The following ADGRG5 variants were observed in gnomAD, a reference collection of about 807,000 sequenced individuals.
ADGRG5 encodes adhesion G protein-coupled receptor G5.
Under a neutral mutation model 53.2 loss-of-function variants are expected in ADGRG5, and 37 were observed. That is an observed-to-expected ratio of 0.70 (90% CI 0.53 to 0.91). The LOEUF (loss-of-function observed/expected upper bound fraction) is 0.91, where lower values mean the gene tolerates loss of function less well. ADGRG5 is among the 40% of genes least tolerant of loss of function. The pLI, the probability that ADGRG5 is intolerant of heterozygous loss-of-function variation, is 0.00. For missense variants in ADGRG5, 614 were observed against 675.8 expected (o/e 0.91, Z 1.01); for synonymous variants, 277 against 290.4 (o/e 0.95, Z 0.47).
Position 57,562,456 on chromosome 16 carries a change from C to T in ADGRG5, c.137C>T (p.Ser46Phe). 5 of 1,596,502 alleles carry T rather than the reference C, an allele frequency of 3.1e-6. No individual in the cohort carries two copies. The highest frequency in any genetic ancestry group is 4.3e-6 in the Non-Finnish European group (5 of 1,171,432). ...VSRGRSSVFS[S>F]RQLHQLEQML... ...AGGGGCCGGAGCTCAGTTTTTTCCT[C>T]TCGGTGAGTTGGATGTGCCTCCCAC... The change falls in exon 3 of 12, where the codon TCT becomes TTT. Residue 46 changes from serine (S) to phenylalanine (F), a missense_variant. Physicochemically the swap from Ser to Phe is radical, Grantham distance 155. Transcript: ENST00000349457.
At chr16:57,572,716 C>T (rs2033396571) in intron 10 of ADGRG5, among the ~76,000 whole-genome samples, 1 of 152,178 alleles carries the variant, frequency 6.6e-6, no homozygotes, top group Admixed American at 6.5e-5. Flanking sequence ...ACAAATACAA[C>T]CCTTGAAAAT....
intron 9 of ADGRG5, among the ~76,000 whole-genome samples, chr16:57,570,007 A>T (rs1183946506): frequency 5.0e-5 from 4 of 79,332 alleles, no homozygotes; most frequent in Non-Finnish European, 9.5e-5. Context: ...CTTCACCACC[A>T]TCACCACCTA....
At chr16:57,554,173 C>T (rs1320091423) in intron 1 of ADGRG5, among the ~76,000 whole-genome samples, 2 of 151,842 alleles carry the variant, frequency 1.3e-5, no homozygotes, top group African/African-American at 2.4e-5. Context: ...ATATTATTCT[C>T]CTATTTTTTA....
intron 9 of ADGRG5, among the ~76,000 whole-genome samples, chr16:57,568,622 C>CCAT: frequency 6.6e-6 from 1 of 150,852 alleles, no homozygotes; most frequent in Non-Finnish European, 1.5e-5. Flanking sequence ...TCCTCCACCT[C>CCAT]CACCACCTCT....
the ADGRG5 span, among the ~76,000 whole-genome samples, chr16:57,535,736 C>A: frequency 6.6e-6 from 1 of 151,848 alleles, no homozygotes; most frequent in East Asian, 2.0e-4. Flanking sequence ...GTGATATCTG[C>A]AAGTCCCTGC....
upstream of ADGRG5, among the ~76,000 whole-genome samples, chr16:57,538,146 C>G (rs1218342104): frequency 6.6e-6 from 1 of 152,146 alleles, no homozygotes; most frequent in Non-Finnish European, 1.5e-5. Flanking sequence ...TAAATATTGT[C>G]CTGAGGATGT....
At chr16:57,547,088 C>T (rs2032636978) in intron 1 of ADGRG5, among the ~76,000 whole-genome samples, 1 of 152,052 alleles carries the variant, frequency 6.6e-6, no homozygotes, top group Admixed American at 6.6e-5. Context: ...AATGTGCTTT[C>T]TGTCTTTCAT....
chr16:57,560,279 A>T (rs2032971218), intron 1 of ADGRG5, among the ~76,000 whole-genome samples: 1 of 152,094 alleles, frequency 6.6e-6, no homozygotes, highest in Non-Finnish European at 1.5e-5. Context: ...TTCATGATAT[A>T]CTTTCTCATT....
intron 1 of ADGRG5, among the ~76,000 whole-genome samples, chr16:57,547,967 T>C (rs1278513967): frequency 6.6e-6 from 1 of 151,658 alleles, no homozygotes; most frequent in Non-Finnish European, 1.5e-5. Flanking sequence ...AGGCTGGTCT[T>C]GAACTCCTGA....
Position 57,566,714 on chromosome 16 carries a change from G to A in ADGRG5, c.662G>A (p.Cys221Tyr). The change falls in exon 7 of 12, where the codon TGC becomes TAC. Residue 221 changes from cysteine to tyrosine, a missense_variant. Transcript: ENST00000349457. ...TEQPSHSQVL[C>Y]RCNHLTYFAV... is the part of the protein sequence containing the mutation. Reference sequence around the variant, plus strand: ...CAGCCCTCCCACTCTCAGGTGCTCTGCCGCTGCAACCACCTCACCTACTTT... The same window carrying A: ...CAGCCCTCCCACTCTCAGGTGCTCTACCGCTGCAACCACCTCACCTACTTT... The A allele has an allele frequency of 6.4e-7, 1 of 1,574,496 alleles. No individual in the cohort carries two copies. Among genetic ancestry groups the A allele is most frequent in the Non-Finnish European group, 8.6e-7 (1 of 1,160,656 alleles).
chr16:57,538,672 G>A (rs117997549), upstream of ADGRG5, among the ~76,000 whole-genome samples: 132 of 152,270 alleles, frequency 8.7e-4, 1 homozygote, highest in East Asian at 0.022. Flanking sequence ...CAGTGGTCTC[G>A]GCAGGGTTTC....
chr16:57,556,908 C>CTTTTTTTTTTTT lies in ADGRG5; in HGVS notation c.-38-5140_-38-5129dup, dbSNP rs35948606. Among the ~76,000 whole-genome samples, 282 of 115,702 alleles carry CTTTTTTTTTTTT rather than the reference C, an allele frequency of 2.4e-3. 13 individuals are homozygous for CTTTTTTTTTTTT. Among genetic ancestry groups the CTTTTTTTTTTTT allele is most frequent in the African/African-American group, 9.6e-3 (263 of 27,386 alleles). The allele number at this position is 115,702 out of a possible 152,430, so 75.9% of individuals were successfully genotyped here. A position where few individuals can be genotyped will look rare whatever the true frequency, so the allele number is the denominator to read the frequency against. On this transcript the variant is annotated intron_variant, in intron 1 of 11. Transcript: ENST00000349457. ...GAAGAAGTTCTTATTTTGCCTTCTT[C>CTTTTTTTTTTTT]TTTTTTTTTTTTTTTTTTTGAGACA... is the stretch of plus-strand genomic sequence containing the variant.
Position 57,574,906 on chromosome 16 carries a change from G to A in ADGRG5, c.1300G>A (p.Ala434Thr). 1 of 1,612,830 alleles carries A rather than the reference G, an allele frequency of 6.2e-7. No individual in the cohort carries two copies. The highest frequency in any genetic ancestry group is 8.5e-7 in the Non-Finnish European group (1 of 1,179,936). Residue 434 changes from alanine to threonine, a missense_variant, in exon 11 of 12, where the codon GCG becomes ACG. Transcript: ENST00000349457. This position sits in a 1 kb window ranked among gnomAD's most constrained non-coding sequence, Gnocchi z 4.4. Reference sequence around the variant, plus strand: ...CTTCAACCTGGTGGTGCTGGCCTGGGCGCTGTGGACCCTGCGCAGGCTGCG... The same window carrying A: ...CTTCAACCTGGTGGTGCTGGCCTGGACGCTGTGGACCCTGCGCAGGCTGCG... Reference protein sequence around the residue: ...SLFNLVVLAWALWTLRRLRER... With the variant: ...SLFNLVVLAWTLWTLRRLRER...
rs140960910 is a variant in ADGRG5, at chr16:57,567,479, C to T, written c.709C>T (p.Pro237Ser). 1.6e-5 allele frequency: 26 copies of T among 1,608,968 alleles called. No homozygotes were observed. In the African/African-American group the frequency reaches 3.3e-4, roughly 21 times the overall value. ...TYFAVLMQLSPALVPAELLAP... is the reference protein window; with the variant it reads ...TYFAVLMQLSSALVPAELLAP... Reference sequence around the variant, plus strand: ...CTCTTCCCTCCTGCAGCAACTCTCCCCAGCCCTGGTCCCTGCAGAGTTGCT... The same window carrying T: ...CTCTTCCCTCCTGCAGCAACTCTCCTCAGCCCTGGTCCCTGCAGAGTTGCT... Residue 237 changes from proline (P) to serine (S), a missense_variant, in exon 8 of 12, where the codon CCA (proline) becomes TCA (serine). Physicochemically the swap from Pro to Ser is moderately conservative, Grantham distance 74 (BLOSUM62 -1). Transcript: ENST00000349457.
chr16:57,531,171 G>A, the ADGRG5 span, among the ~76,000 whole-genome samples: 7 of 151,668 alleles, frequency 4.6e-5, no homozygotes, highest in African/African-American at 7.3e-5. Context: ...ACCTCCAACC[G>A]GATGCCTGAT....
chr16:57,530,180 C>G, the ADGRG5 span, among the ~76,000 whole-genome samples: 1 of 152,110 alleles, frequency 6.6e-6, no homozygotes, highest in East Asian at 1.9e-4. Context: ...CCGGAACCAC[C>G]CCTCCCTGAC....
chr16:57,568,346 C>T (rs1257821418), intron 9 of ADGRG5, among the ~76,000 whole-genome samples: 1 of 151,854 alleles, frequency 6.6e-6, no homozygotes, highest in African/African-American at 2.4e-5. Context: ...ACCATTATCA[C>T]CTCCTCCACC....
upstream of ADGRG5, among the ~76,000 whole-genome samples, chr16:57,538,035 A>C (rs1396547852): frequency 6.6e-6 from 1 of 152,098 alleles, no homozygotes; most frequent in Non-Finnish European, 1.5e-5. Context: ...TTGGAGGTGG[A>C]AATGGGGCTG....
chr16:57,553,003 T>TA (rs1396379283), intron 1 of ADGRG5, among the ~76,000 whole-genome samples: 2 of 152,176 alleles, frequency 1.3e-5, no homozygotes, highest in Non-Finnish European at 2.9e-5. Flanking sequence ...TCAAAACACA[T>TA]ACATTTATTG....
Sources: allele counts gnomAD v4.1 joint callset (sites outside exome capture counted in the v4.1 genomes callset), GRCh38; gene constraint gnomAD v4.1.1; non-coding constraint Gnocchi (gnomAD v3.1); transcripts MANE v1.5; gene names NCBI Gene and HGNC (gene_info 2026-07-23, HGNC 2026-07-21).